The following RUNDC3B variants were observed in gnomAD, a reference collection of about 807,000 sequenced individuals.
RUNDC3B encodes RUN domain containing 3B, also known as RUN domain-containing protein 3B.
A neutral mutation model predicts 58.4 loss-of-function variants in RUNDC3B; 33 were observed. That is an observed-to-expected ratio of 0.56 (90% CI 0.43 to 0.75). The LOEUF (loss-of-function observed/expected upper bound fraction) is 0.75. RUNDC3B is among the 30% of genes least tolerant of loss of function. The probability of loss-of-function intolerance (pLI) is 0.00; values close to 1 mark genes in which losing one functional copy is unlikely to be tolerated. For synonymous variants in RUNDC3B, 193 were observed against 195.2 expected (o/e 0.99, Z 0.10); for missense variants, 501 against 535.7 (o/e 0.94, Z 0.64).
chr7:87,715,490 C>T (rs1336378446), intron 4 of RUNDC3B, among the ~76,000 whole-genome samples: 11 of 125,108 alleles, frequency 8.8e-5, no homozygotes, highest in Non-Finnish European at 1.6e-4. Flanking sequence ...ATAAATAATA[C>T]ATATAATTAT....
chr7:87,670,900 C>G (rs1316320783), intron 2 of RUNDC3B, among the ~76,000 whole-genome samples: 1 of 152,190 alleles, frequency 6.6e-6, no homozygotes, highest in Non-Finnish European at 1.5e-5. Context: ...GAGTTTCTCT[C>G]CCCCTTGAAT....
At chr7:87,811,883 T>G (rs1303450556) in intron 9 of RUNDC3B, among the ~76,000 whole-genome samples, 1 of 152,230 alleles carries the variant, frequency 6.6e-6, no homozygotes, top group Non-Finnish European at 1.5e-5. Flanking sequence ...ATGATTATTT[T>G]GTTCCTTAGA....
At chr7:87,718,700 A>G (rs1348248234) in intron 4 of RUNDC3B, among the ~76,000 whole-genome samples, 1 of 152,180 alleles carries the variant, frequency 6.6e-6, no homozygotes, top group African/African-American at 2.4e-5. Flanking sequence ...TTGTTAATTG[A>G]TGTTTACTTT....
chr7:87,722,419 A>C lies in RUNDC3B; in HGVS notation c.458+11764A>C, dbSNP rs1007930794. Among the ~76,000 whole-genome samples the C allele has an allele frequency of 4.6e-5, 7 of 152,150 alleles. 1 individual carries two copies. ...CTACTTTTATAAGGTCAACATTTTA[A>C]AGTTCACATGTAAGTGAGATAATGA... On this transcript the variant is annotated intron_variant, in intron 4 of 10. Coordinates refer to ENST00000394654, the MANE Select transcript of RUNDC3B (RefSeq NM_001134405.2).
intron 4 of RUNDC3B, among the ~76,000 whole-genome samples, chr7:87,729,056 A>G (rs766706756): frequency 1.3e-5 from 2 of 152,050 alleles, no homozygotes; most frequent in Non-Finnish European, 2.9e-5. Flanking sequence ...AAATCTGTCT[A>G]TCTTATTAAA....
intron 2 of RUNDC3B, chr7:87,694,082 T>C: frequency 6.6e-7 from 1 of 1,516,614 alleles, no homozygotes; most frequent in Non-Finnish European, 8.7e-7. Context: ...TGTAAAGCCT[T>C]CTTTTTTGTG....
chr7:87,806,341 C>T (rs1328767414), intron 8 of RUNDC3B, among the ~76,000 whole-genome samples: 1 of 152,098 alleles, frequency 6.6e-6, no homozygotes, highest in East Asian at 1.9e-4. Flanking sequence ...TATTGTGCTG[C>T]CCTTACCTCA....
intron 3 of RUNDC3B, among the ~76,000 whole-genome samples, chr7:87,704,306 A>G (rs1394412139): frequency 6.6e-6 from 1 of 152,196 alleles, no homozygotes; most frequent in Non-Finnish European, 1.5e-5. Context: ...GTTAAAGATT[A>G]GCTGTAATTT....
intron 10 of RUNDC3B, among the ~76,000 whole-genome samples, chr7:87,821,736 G>C (rs1173808600): frequency 6.6e-6 from 1 of 151,356 alleles, no homozygotes; most frequent in Admixed American, 6.6e-5. Context: ...AAATAATGCC[G>C]CATATCTACA....
intron 2 of RUNDC3B, among the ~76,000 whole-genome samples, chr7:87,692,266 C>T (rs1828084483): frequency 6.6e-6 from 1 of 152,066 alleles, no homozygotes; most frequent in South Asian, 2.1e-4. Flanking sequence ...GCCTGAGCAA[C>T]ATAGCAAGAT....
intron 2 of RUNDC3B, among the ~76,000 whole-genome samples, chr7:87,652,184 G>A (rs2130382068): frequency 6.6e-6 from 1 of 152,114 alleles, no homozygotes; most frequent in South Asian, 2.1e-4. Flanking sequence ...ATGTTCATGA[G>A]AATTTTACCT....
chr7:87,756,325 T>C lies in RUNDC3B; in HGVS notation c.630-14256T>C, dbSNP rs571043853. Among the ~76,000 whole-genome samples, 13 of 152,100 alleles carry C rather than the reference T, an allele frequency of 8.5e-5. 1 individual carries two copies. Among genetic ancestry groups the C allele is most frequent in the African/African-American group, 3.1e-4 (13 of 41,550 alleles). On this transcript the variant is annotated intron_variant, in intron 6 of 10. Transcript: ENST00000394654. ...ATTCATAGAAAGTCCTGTTAAGATATTTTTATTTATATAAATTTAATTTTG... is the reference window on the plus strand; with the variant it reads ...ATTCATAGAAAGTCCTGTTAAGATACTTTTATTTATATAAATTTAATTTTG...
At position 87,790,303 on chromosome 7, in the gene RUNDC3B, A is replaced by C. The variant is rs553107034; in HGVS notation, c.956+12348A>C. ...AAGGCAGTACCTCTACGAGTCTGCA[A>C]AAACCACAGTGTTATTGGGCTTGGG... On this transcript the variant is annotated intron_variant, in intron 8 of 10. Coordinates refer to ENST00000394654, the MANE Select transcript of RUNDC3B (RefSeq NM_001134405.2). Among the ~76,000 whole-genome samples, 4 of 152,342 alleles carry C rather than the reference A, an allele frequency of 2.6e-5. No homozygotes were observed. In the South Asian group the frequency reaches 8.3e-4, roughly 32 times the overall value.
chr7:87,751,619 G>A (rs992468257), intron 6 of RUNDC3B, among the ~76,000 whole-genome samples: 5 of 152,008 alleles, frequency 3.3e-5, no homozygotes, highest in Non-Finnish European at 5.9e-5. Context: ...TGGATTCCTA[G>A]GTATTTTATT....
intron 4 of RUNDC3B, among the ~76,000 whole-genome samples, chr7:87,725,563 G>A (rs1269751949): frequency 6.6e-6 from 1 of 152,182 alleles, no homozygotes; most frequent in Non-Finnish European, 1.5e-5. Context: ...GTGTGCATGT[G>A]TCTTTATAGC....
chr7:87,711,491 T>C (rs1217752675), intron 4 of RUNDC3B, among the ~76,000 whole-genome samples: 1 of 152,100 alleles, frequency 6.6e-6, no homozygotes, highest in Non-Finnish European at 1.5e-5. Context: ...TTTTTTATGA[T>C]GGTAGAAAAG....
chr7:87,703,079 T>C (rs1829236875), intron 3 of RUNDC3B, among the ~76,000 whole-genome samples: 1 of 152,160 alleles, frequency 6.6e-6, no homozygotes, highest in Non-Finnish European at 1.5e-5. Flanking sequence ...AAACATTAAG[T>C]AGAAAATAAA....
intron 4 of RUNDC3B, among the ~76,000 whole-genome samples, chr7:87,722,973 G>A (rs1445621900): frequency 1.3e-5 from 2 of 152,158 alleles, no homozygotes; most frequent in Admixed American, 1.3e-4. Context: ...TCTCAAGAAC[G>A]TGAAGTTGTA....
intron 8 of RUNDC3B, among the ~76,000 whole-genome samples, chr7:87,793,288 A>G (rs987107410): frequency 7.2e-5 from 11 of 152,264 alleles, no homozygotes; most frequent in African/African-American, 2.4e-4. Flanking sequence ...AGTAATACCA[A>G]TCCTACTCAA....
Sources: allele counts gnomAD v4.1 joint callset (sites outside exome capture counted in the v4.1 genomes callset), GRCh38; gene constraint gnomAD v4.1.1; transcripts MANE v1.5; gene names NCBI Gene and HGNC (gene_info 2026-07-23, HGNC 2026-07-21).